The following DCAF15 variants were observed in gnomAD, a reference collection of about 807,000 sequenced individuals.
DCAF15 encodes the protein DDB1 and CUL4 associated factor 15, also known as DDB1- and CUL4-associated factor 15.
A neutral mutation model predicts 68.0 loss-of-function variants in DCAF15; 24 were observed. That is an observed-to-expected ratio of 0.35 (90% CI 0.26 to 0.50). DCAF15 has a LOEUF of 0.50. Among genes scored for constraint, DCAF15 ranks in the 20% least tolerant of loss-of-function variants. The pLI is 0.98. For synonymous variants in DCAF15, 376 were observed against 341.6 expected, an observed-to-expected ratio of 1.10 and a Z score of -1.11; for missense variants, 627 against 830.6, an observed-to-expected ratio of 0.75 and a Z score of 3.01.
intron 6 of DCAF15, 117 bp downstream of exon 6, chr19:13,956,639 C>A: frequency 8.4e-7 from 1 of 1,197,386 alleles, no homozygotes; most frequent in Non-Finnish European, 1.2e-6. Context: ...CCCCAAGTCA[C>A]ACAGCCTGGT....
chr19:13,955,772 C>A, intron 3 of DCAF15, 140 bp from the exon 4 acceptor site: 1 of 782,332 alleles, frequency 1.3e-6, no homozygotes, highest in Non-Finnish European at 2.1e-6. Context: ...TGTCCTCAGG[C>A]AAGGTGGAGG....
chr19:13,958,978 C>G, intron 6 of DCAF15, 67 bp from the exon 7 acceptor site: 2 of 1,521,132 alleles, frequency 1.3e-6, no homozygotes, highest in Non-Finnish European at 1.8e-6. Context: ...TCTGAAAACC[C>G]CTGGGGACAC....
chr19:13,959,649 C>G lies in DCAF15; in HGVS notation c.1287C>G (p.Pro429=). 1 of 1,613,476 alleles carries G rather than the reference C, an allele frequency of 6.2e-7. No homozygotes were observed. Among genetic ancestry groups the G allele is most frequent in the South Asian group, 1.1e-5 (1 of 91,090 alleles). The change falls in exon 8 of 13, where the codon CCC becomes CCG. Residue 429 remains proline (P), a synonymous_variant. Transcript: ENST00000254337. ...VTDLRGRNLR[P]MRERTAVQGQ... ...ATCTTCGTGGCCGCAACCTGCGGCC[C>G]ATGCGGGAGCGGACTGCTGTCCAGG...
chr19:13,956,167 G>C lies in DCAF15; in HGVS notation c.518G>C (p.Ser173Thr), dbSNP rs1314682982. The C allele has an allele frequency of 6.2e-7, 1 of 1,610,404 alleles. No homozygotes were observed. Among genetic ancestry groups the C allele is most frequent in the African/African-American group, 1.3e-5 (1 of 74,880 alleles). Residue 173 changes from serine to threonine, a missense_variant, in exon 5 of 13, where the codon AGT becomes ACT. By Grantham distance (58) the Ser-to-Thr change is moderately conservative. Transcript: ENST00000254337. ...NGMLMNMMMM[S>T]DENHRDIYVS... ...ATGCTCATGAACATGATGATGATGA[G>C]TGACGAGAACCACCGTGACATCTAC...
chr19:13,954,687 G>A, intron 3 of DCAF15, 26 bp downstream of exon 3: 2 of 1,613,106 alleles, frequency 1.2e-6, no homozygotes, highest in East Asian at 4.5e-5. Flanking sequence ...CACCAGGCTG[G>A]CCCTTCAGAT....
At position 13,959,383 on chromosome 19, in the gene DCAF15, C is replaced by A. The variant is rs141014315; in HGVS notation, c.1123C>A (p.Pro375Thr). 1.3e-4 allele frequency: 206 copies of A among 1,605,802 alleles called. No individual in the cohort carries two copies. Among genetic ancestry groups the A allele is most frequent in the Non-Finnish European group, 1.6e-4 (184 of 1,179,618 alleles). The change falls in exon 7 of 13, where the codon CCT (proline) becomes ACT (threonine). Residue 375 changes from proline to threonine, a missense_variant. Pro to Thr is a conservative substitution (Grantham distance 38, BLOSUM62 -1). This residue lies in a region of DCAF15 where 236 missense variants were observed against 225.1 expected (regional missense o/e 1.05). Transcript: ENST00000254337. ...AGAGACGGCACCCCGGGACAGCCCC[C>A]CTGCCTCGGAGGCACCTGCCTCCGA... ...CGETAPRDSPPASEAPASEPG... is the reference protein window; with the variant it reads ...CGETAPRDSPTASEAPASEPG...
At chr19:13,960,713 C>G in intron 12 of DCAF15, 133 bp downstream of exon 12, 2 of 1,045,032 alleles carry the variant, frequency 1.9e-6, no homozygotes, top group Non-Finnish European at 2.8e-6. Context: ...AGGCCCAGCT[C>G]AGCAGCCCTG....
intron 7 of DCAF15, 26 bp downstream of exon 7, chr19:13,959,505 G>A: frequency 6.2e-7 from 1 of 1,609,174 alleles, no homozygotes; most frequent in Non-Finnish European, 8.5e-7. Context: ...GCATGTGACA[G>A]GGCCTGGGAT....
chr19:13,960,619 G>C, intron 12 of DCAF15, 39 bp downstream of exon 12: 1 of 1,521,116 alleles, frequency 6.6e-7, no homozygotes. Flanking sequence ...GGGTCACCAG[G>C]AACACTTGTC....
rs1568450511 is a variant in DCAF15 at position 13,959,464 on chromosome 19, ACGGAGC to A, written c.1210_1215del (p.Pro404_Glu405del). The A allele has an allele frequency of 6.2e-7, 1 of 1,609,282 alleles. No individual in the cohort carries two copies. The highest frequency in any genetic ancestry group is 1.7e-5 in the Admixed American group (1 of 59,874). On this transcript the variant is annotated inframe_deletion, in exon 7 of 13. Transcript: ENST00000254337. ...CTATGTGCTGGAGTCCGGAGAGGGG[ACGGAGC>A]CGGAGGATGGTGAGCGGGGGGCAGG...
At chr19:13,959,531 G>A in intron 7 of DCAF15, 51 bp from the exon 8 acceptor site, 9 of 1,611,516 alleles carry the variant, frequency 5.6e-6, no homozygotes, top group Non-Finnish European at 7.6e-6. Context: ...GGCCAGCCCA[G>A]ACGGGGCCCC....
intron 12 of DCAF15, among the ~76,000 whole-genome samples, 175 bp downstream of exon 12, chr19:13,960,755 C>G (rs758567889): frequency 6.6e-6 from 1 of 152,230 alleles, no homozygotes; most frequent in Non-Finnish European, 1.5e-5. Flanking sequence ...TCCCACCAGT[C>G]ATGGCCTGGC....
At position 13,952,623 on chromosome 19, in the gene DCAF15, C is replaced by T. The variant is rs1973106143; in HGVS notation, c.111C>T (p.Leu37=). 1.6e-6 allele frequency: 2 copies of T among 1,268,184 alleles called. No individual in the cohort carries two copies. Among genetic ancestry groups the T allele is most frequent in the East Asian group, 6.3e-5 (2 of 31,824 alleles). The allele number at this position is 1,268,184 out of a possible 1,614,324, so 78.6% of individuals were successfully genotyped here. A position where few individuals can be genotyped will look rare whatever the true frequency, so the allele number is the denominator to read the frequency against. The change falls in exon 1 of 13, where the codon CTC becomes CTT. Residue 37 remains leucine (L), a synonymous_variant. Coordinates refer to ENST00000254337, the MANE Select transcript of DCAF15 (RefSeq NM_138353.4). ...CAGGGCGGCGGCGGGAGCACGTCCT[C>T]AAGCAGCTGGAGCGGGTCAAGGTGA... ...RAAGRRREHV[L]KQLERVKISG... is the part of the protein sequence containing the mutation.
Position 13,959,472 on chromosome 19 carries a change from G to A in DCAF15, c.1212G>A (p.Pro404=), listed in dbSNP as rs763384916. 31 of 1,609,416 alleles carry A rather than the reference G, an allele frequency of 1.9e-5. No homozygotes were observed. The highest frequency in any genetic ancestry group is 2.4e-5 in the Non-Finnish European group (28 of 1,177,706). ...YVLESGEGTE[P]EDELEDDKIS... ...TGGAGTCCGGAGAGGGGACGGAGCCGGAGGATGGTGAGCGGGGGGCAGGCA... is the reference window on the plus strand; with the variant it reads ...TGGAGTCCGGAGAGGGGACGGAGCCAGAGGATGGTGAGCGGGGGGCAGGCA... The change falls in exon 7 of 13, where the codon CCG becomes CCA. Residue 404 remains proline (P), a synonymous_variant. Transcript: ENST00000254337.
At chr19:13,953,210 C>T in intron 1 of DCAF15, 1 of 1,400,550 alleles carries the variant, frequency 7.1e-7, no homozygotes, top group South Asian at 1.4e-5. Flanking sequence ...CAGGCTCTGT[C>T]TCCTCCATCA....
intron 1 of DCAF15, chr19:13,953,163 G>A (rs1455516642): frequency 3.3e-6 from 5 of 1,534,494 alleles, no homozygotes; most frequent in East Asian, 2.6e-5. Flanking sequence ...CCCTGGATAG[G>A]GCTGAGTCTT....
In DCAF15 at chr19:13,959,487, G is replaced by A; in HGVS notation, c.1219+8G>A. ...GGACGGAGCCGGAGGATGGTGAGCG[G>A]GGGGCAGGCATGTGACAGGGCCTGG... On this transcript the variant is annotated splice_region_variant and intron_variant, in intron 7 of 12. Coordinates refer to ENST00000254337, the MANE Select transcript of DCAF15 (RefSeq NM_138353.4). The A allele has an allele frequency of 6.2e-7, 1 of 1,609,100 alleles. No individual in the cohort carries two copies. Among genetic ancestry groups the A allele is most frequent in the Middle Eastern group, 1.7e-4 (1 of 6,048 alleles).
chr19:13,956,306 C>A, intron 5 of DCAF15, 44 bp downstream of exon 5: 3 of 1,611,800 alleles, frequency 1.9e-6, no homozygotes, highest in Non-Finnish European at 2.5e-6. Context: ...CCCTCCCCCC[C>A]TTGCTCCGGG....
rs1380348272 is a variant in DCAF15 at position 13,961,275 on chromosome 19, C to G, written c.*280C>G. On this transcript the variant is annotated 3_prime_UTR_variant, in exon 13 of 13. Coordinates refer to ENST00000254337, the MANE Select transcript of DCAF15 (RefSeq NM_138353.4). ...ACCCCGAGCTGGGCATGGGCCTGGC[C>G]CCTCGTGCATTTGCCCTTTTCTCGG... is the stretch of plus-strand genomic sequence containing the variant. The G allele has an allele frequency of 7.4e-6, 4 of 539,270 alleles. No homozygotes were observed. The highest frequency in any genetic ancestry group is 5.0e-4 in the Middle Eastern group (1 of 1,992). The allele number at this position is 539,270 out of a possible 1,614,324, so 33.4% of individuals were successfully genotyped here.
Sources: allele counts gnomAD v4.1 joint callset (sites outside exome capture counted in the v4.1 genomes callset), GRCh38; gene constraint gnomAD v4.1.1; regional missense constraint gnomAD v4.1.1; transcripts MANE v1.5; gene names NCBI Gene and HGNC (gene_info 2026-07-23, HGNC 2026-07-21).